Variants in MED15 observed in about 807,000 individuals in gnomAD.
MED15 encodes the protein mediator of RNA polymerase II transcription subunit 15.
Under a neutral mutation model 118.7 loss-of-function variants are expected in MED15, and 41 were observed. That is an observed-to-expected ratio of 0.35 (90% CI 0.27 to 0.45). MED15 has a LOEUF of 0.45. MED15 is among the 20% of genes least tolerant of loss of function. MED15 has a pLI of 1.00. For missense variants in MED15, 740 were observed against 1,025.5 expected (o/e 0.72, Z 3.80); for synonymous variants, 436 against 413.9 (o/e 1.05, Z -0.65).
intron 5 of MED15, 107 bp from the exon 6 acceptor site, chr22:20,564,343 C>A: frequency 5.2e-6 from 8 of 1,534,888 alleles, no homozygotes; most frequent in Non-Finnish European, 7.0e-6. Context: ...CAGCGGCAGC[C>A]GTGGCAGTGG....
intron 8 of MED15, among the ~76,000 whole-genome samples, chr22:20,570,889 C>G (rs2056638717): frequency 6.6e-6 from 1 of 150,842 alleles, no homozygotes; most frequent in East Asian, 2.0e-4. Context: ...CCTTTGCTCC[C>G]AAGTAGCTGG....
chr22:20,583,888 G>A (rs118094808), intron 13 of MED15: 2,825 of 232,566 alleles, frequency 0.012, 33 homozygotes, highest in Non-Finnish European at 0.017. Context: ...ATCAGAGCTC[G>A]GGCAGTACCT....
intron 1 of MED15, among the ~76,000 whole-genome samples, chr22:20,512,758 ATTT>A (rs953182874): frequency 2.2e-5 from 3 of 138,948 alleles, no homozygotes; most frequent in South Asian, 4.6e-4. Flanking sequence ...CGCCCAGCTA[ATTT>A]TTTTTTTTTT....
chr22:20,575,779 C>T (rs573010288), intron 9 of MED15, among the ~76,000 whole-genome samples: 5 of 149,666 alleles, frequency 3.3e-5, no homozygotes, highest in African/African-American at 1.2e-4. Flanking sequence ...AAAAAAAAAA[C>T]CTAAAAGTCA....
intron 8 of MED15, among the ~76,000 whole-genome samples, chr22:20,571,928 C>T (rs2056673780): frequency 1.3e-5 from 2 of 152,148 alleles, no homozygotes; most frequent in Non-Finnish European, 1.5e-5. Flanking sequence ...GTCATGCTAT[C>T]CTGGGGTTTT....
chr22:20,522,288 T>C (rs2054490970), intron 1 of MED15: 1 of 152,144 alleles, frequency 6.6e-6, no homozygotes, highest in South Asian at 2.1e-4. Context: ...GTGGTACCAG[T>C]TTACGTTCCC....
At chr22:20,527,427 T>TTA (rs1322229791) in intron 1 of MED15, among the ~76,000 whole-genome samples, 1 of 151,314 alleles carries the variant, frequency 6.6e-6, no homozygotes, top group Non-Finnish European at 1.5e-5. Flanking sequence ...AGTATAATAT[T>TTA]TATATATATT....
intron 1 of MED15, among the ~76,000 whole-genome samples, chr22:20,516,625 G>A (rs1190135454): frequency 6.6e-6 from 1 of 151,998 alleles, no homozygotes; most frequent in Non-Finnish European, 1.5e-5. Flanking sequence ...TGCTGTGGCT[G>A]TGGCCAGTCA....
chr22:20,584,766 G>A (rs2057084315), intron 14 of MED15, 89 bp from the exon 15 acceptor site: 1 of 1,502,038 alleles, frequency 6.7e-7, no homozygotes, highest in Non-Finnish European at 9.1e-7. Context: ...GAATCTGACT[G>A]TGAGTGACCA....
At chr22:20,546,266 G>T (rs1374521471) in intron 2 of MED15, among the ~76,000 whole-genome samples, 1 of 152,102 alleles carries the variant, frequency 6.6e-6, no homozygotes, top group Non-Finnish European at 1.5e-5. Context: ...TATGAACTGG[G>T]TGCTAAATCG....
intron 6 of MED15, among the ~76,000 whole-genome samples, chr22:20,565,059 A>G (rs546235261): frequency 2.0e-5 from 3 of 152,352 alleles, no homozygotes; most frequent in Admixed American, 2.0e-4. Context: ...TGGGAGGCGG[A>G]GGTTGCAGTG....
intron 2 of MED15, among the ~76,000 whole-genome samples, chr22:20,547,545 C>A (rs190018626): frequency 6.6e-6 from 1 of 152,104 alleles, no homozygotes; most frequent in Admixed American, 6.6e-5. Flanking sequence ...ATTGGCCAGG[C>A]GTGGTGGCTC....
At chr22:20,517,230 C>G (rs2054285553) in intron 1 of MED15, among the ~76,000 whole-genome samples, 1 of 152,114 alleles carries the variant, frequency 6.6e-6, no homozygotes, top group South Asian at 2.1e-4. Flanking sequence ...AGCCACTACG[C>G]CTGGCCATCC....
intron 8 of MED15, chr22:20,574,076 C>T (rs1255099604): frequency 6.6e-6 from 1 of 152,298 alleles, no homozygotes; most frequent in East Asian, 1.9e-4. Flanking sequence ...CACTCTCCTG[C>T]TGGAGCTCTG....
At position 20,582,742 on chromosome 22, in the gene MED15, C is replaced by T. The variant is rs764659814; in HGVS notation, c.1404C>T (p.Asn468=). Residue 468 remains asparagine (N), a synonymous_variant, in exon 10 of 18, where the codon AAC becomes AAT. Transcript: ENST00000263205. ...PGQPSSQPNS[N]VSSGPAPSPS... ...AGCCCAGCTCACAGCCCAACTCCAA[C>T]GTCAGGTAGGCCTGGCCTGGGGTGC... 8.8e-6 allele frequency: 14 copies of T among 1,581,944 alleles called. No individual in the cohort carries two copies. Among genetic ancestry groups the T allele is most frequent in the Admixed American group, 5.1e-5 (3 of 59,226 alleles).
rs1180488741 is a variant in MED15, at chr22:20,586,680, C to T, written c.2343C>T (p.His781=). The part of the protein sequence containing the change: ...ALLNTWAQSV[H]QACLSAA The stretch of plus-strand genomic sequence containing the variant: ...TCAACACCTGGGCCCAGAGCGTCCA[C>T]CAGGCCTGCCTCTCAGCCGCCTAGC... Residue 781 remains histidine (H), a synonymous_variant, in exon 18 of 18, where the codon CAC becomes CAT. Coordinates refer to ENST00000263205, the MANE Select transcript of MED15 (RefSeq NM_001003891.3). 6.2e-7 allele frequency: 1 copy of T among 1,612,770 alleles called. No individual in the cohort carries two copies. The highest frequency in any genetic ancestry group is 1.7e-5 in the Admixed American group (1 of 60,030).
Position 20,566,634 on chromosome 22 carries a change from G to A in MED15, c.858G>A (p.Leu286=). ...QQPQPPPSQA[L]PQQLQQMHHT... is the part of the protein sequence containing the mutation. ...CACAGCCTCCGCCCTCCCAGGCTCT[G>A]CCCCAGCAGCTGCAGCAGATGCATC... is the stretch of plus-strand genomic sequence containing the variant. Residue 286 remains leucine, a synonymous_variant, in exon 7 of 18, where the codon CTG becomes CTA. Transcript: ENST00000263205. 1 of 1,614,092 alleles carries A rather than the reference G, an allele frequency of 6.2e-7. No individual in the cohort carries two copies. Among genetic ancestry groups the A allele is most frequent in the Non-Finnish European group, 8.5e-7 (1 of 1,180,000 alleles).
Position 20,586,682 on chromosome 22 carries a change from A to T in MED15, c.2345A>T (p.Gln782Leu). 6.2e-7 allele frequency: 1 copy of T among 1,612,642 alleles called. No homozygotes were observed. The highest frequency in any genetic ancestry group is 1.3e-5 in the African/African-American group (1 of 75,052). ...AACACCTGGGCCCAGAGCGTCCACC[A>T]GGCCTGCCTCTCAGCCGCCTAGCCA... ...LLNTWAQSVHQACLSAA is the reference protein window; with the variant it reads ...LLNTWAQSVHLACLSAA Residue 782 changes from glutamine (Q) to leucine (L), a missense_variant, in exon 18 of 18, where the codon CAG becomes CTG. Coordinates refer to ENST00000263205, the MANE Select transcript of MED15 (RefSeq NM_001003891.3).
chr22:20,556,641 A>G (rs1184943521), intron 5 of MED15, among the ~76,000 whole-genome samples: 2 of 152,068 alleles, frequency 1.3e-5, no homozygotes, highest in Non-Finnish European at 2.9e-5. Context: ...GGCTACATAT[A>G]TGGGTATGTG....
Sources: allele counts gnomAD v4.1 joint callset (sites outside exome capture counted in the v4.1 genomes callset), GRCh38; gene constraint gnomAD v4.1.1; transcripts MANE v1.5; gene names NCBI Gene and HGNC (gene_info 2026-07-23, HGNC 2026-07-21).